TAFA4: variants seen among roughly 807,000 people sequenced by gnomAD.
TAFA4 encodes TAFA chemokine like family member 4, also known as chemokine-like protein TAFA-4.
TAFA4 carries 20 observed loss-of-function variants against 21.1 expected under a neutral mutation model. That is an observed-to-expected ratio of 0.95 (90% confidence interval 0.67 to 1.38). The LOEUF (loss-of-function observed/expected upper bound fraction) is 1.38, where lower values mean the gene tolerates loss of function less well. Ranked by LOEUF, TAFA4 falls within the 40% of genes most tolerant of loss-of-function variation. TAFA4 has a pLI of 0.00. For missense variants in TAFA4, 211 were observed against 180.9 expected (o/e 1.17, Z -0.95); for synonymous variants, 71 against 67.4 (o/e 1.05, Z -0.26).
intron 1 of TAFA4, among the ~76,000 whole-genome samples, chr3:68,897,582 T>C (rs889115621): frequency 1.3e-5 from 2 of 151,812 alleles, no homozygotes; most frequent in Non-Finnish European, 2.9e-5. Flanking sequence ...GCTGAGATCA[T>C]GCCATTGCAC....
At chr3:68,883,940 A>AAGGCAGGC (rs561739941) in intron 2 of TAFA4, among the ~76,000 whole-genome samples, 1 of 151,388 alleles carries the variant, frequency 6.6e-6, no homozygotes, top group Non-Finnish European at 1.5e-5. Flanking sequence ...TCAAAAAAAG[A>AAGGCAGGC]AGGCAGGCAG....
rs76914752 is a variant in TAFA4, at chr3:68,885,281, G to A, written c.-93C>T. The A allele has an allele frequency of 2.6e-3, 3,244 of 1,261,924 alleles. 52 individuals carry two copies. The African/African-American group carries it at 0.039, about 15-fold the overall frequency. The allele number at this position is 1,261,924 out of a possible 1,614,324, so 78.2% of individuals were successfully genotyped here. On this transcript the variant is annotated 5_prime_UTR_variant, in exon 2 of 6. In the 5' UTR this introduces an upstream ATG that the reference lacks. Transcript: ENST00000295569. The stretch of plus-strand genomic sequence containing the variant: ...GTTGCTAGAACCAATCATTTCTGCC[G>A]TTCCAAAAAATTATCGTAGCTCAGA...
intron 5 of TAFA4, among the ~76,000 whole-genome samples, chr3:68,733,452 G>A (rs1054463557): frequency 7.2e-5 from 11 of 152,172 alleles, no homozygotes; most frequent in African/African-American, 2.7e-4. Flanking sequence ...GTTCATGCAT[G>A]CTGAGCATGC....
chr3:68,916,428 C>T (rs1418283650), intron 1 of TAFA4, among the ~76,000 whole-genome samples: 3 of 152,296 alleles, frequency 2.0e-5, no homozygotes, highest in East Asian at 3.9e-4. Context: ...CCCTCCAATT[C>T]CAAATCCGTT....
chr3:68,750,236 G>A (rs1702535684), intron 4 of TAFA4, among the ~76,000 whole-genome samples: 1 of 152,168 alleles, frequency 6.6e-6, no homozygotes, highest in African/African-American at 2.4e-5. Flanking sequence ...GTTCAAGGCA[G>A]CAGTGAGTTA....
chr3:68,892,746 A>G (rs1004155699), intron 1 of TAFA4, among the ~76,000 whole-genome samples: 3 of 152,218 alleles, frequency 2.0e-5, no homozygotes, highest in African/African-American at 7.2e-5. Flanking sequence ...GCACTGATAA[A>G]TTCCTTCCTA....
At chr3:68,809,823 C>A (rs889711828) in intron 3 of TAFA4, among the ~76,000 whole-genome samples, 1 of 152,164 alleles carries the variant, frequency 6.6e-6, no homozygotes, top group Non-Finnish European at 1.5e-5. Flanking sequence ...CCTTTCCCCA[C>A]TGTGTGTTGG....
rs181762430 is a variant in TAFA4 at position 68,851,181 on chromosome 3, T to C, written c.130+29549A>G. On this transcript the variant is annotated intron_variant, in intron 3 of 5. Transcript: ENST00000295569. ...GCAACTATAAAAAGGAATGAGATCA[T>C]GTCCTTTACAGGGACATGGATGGAG... Among the ~76,000 whole-genome samples, 396 of 152,324 alleles carry C rather than the reference T, an allele frequency of 2.6e-3. 3 individuals are homozygous for C. Among genetic ancestry groups the C allele is most frequent in the African/African-American group, 8.6e-3 (359 of 41,572 alleles).
chr3:68,751,194 A>G (rs1702551833), intron 4 of TAFA4, among the ~76,000 whole-genome samples: 1 of 152,244 alleles, frequency 6.6e-6, no homozygotes. Flanking sequence ...AAGAGAACTG[A>G]GACACAGATC....
intron 3 of TAFA4, among the ~76,000 whole-genome samples, chr3:68,785,416 G>C (rs1009678060): frequency 6.6e-6 from 1 of 152,250 alleles, no homozygotes; most frequent in Non-Finnish European, 1.5e-5. Context: ...AGAGGAGCAG[G>C]GGAAGGCTCA....
At chr3:68,889,498 T>A (rs2089709946) in intron 1 of TAFA4, among the ~76,000 whole-genome samples, 1 of 152,214 alleles carries the variant, frequency 6.6e-6, no homozygotes. Flanking sequence ...AACTATTCTT[T>A]CAGAATACAG....
At chr3:68,735,802 AT>A (rs1288837982) in intron 5 of TAFA4, among the ~76,000 whole-genome samples, 1 of 152,174 alleles carries the variant, frequency 6.6e-6, no homozygotes, top group East Asian at 1.9e-4. Context: ...ACTGAAAAAA[AT>A]ATACTATTCT....
intron 4 of TAFA4, 36 bp from the exon 5 acceptor site, chr3:68,739,235 G>A (rs574682267): frequency 6.2e-7 from 1 of 1,611,242 alleles, no homozygotes; most frequent in South Asian, 1.1e-5. Flanking sequence ...TTGTGACACT[G>A]TTTCTTCCTC....
At chr3:68,805,747 T>A (rs952658396) in intron 3 of TAFA4, among the ~76,000 whole-genome samples, 1 of 151,688 alleles carries the variant, frequency 6.6e-6, no homozygotes, top group Admixed American at 6.6e-5. Context: ...TAGGTGGGAA[T>A]TGAACAATGA....
chr3:68,907,077 A>G (rs2089908523), intron 1 of TAFA4, among the ~76,000 whole-genome samples: 1 of 151,536 alleles, frequency 6.6e-6, no homozygotes, highest in East Asian at 1.9e-4. Flanking sequence ...GAAGGGGAGA[A>G]AGAACTCATT....
chr3:68,900,198 C>T (rs1644140578), intron 1 of TAFA4, among the ~76,000 whole-genome samples: 2 of 149,346 alleles, frequency 1.3e-5, no homozygotes, highest in Admixed American at 1.3e-4. Context: ...GCCGAGATTG[C>T]ACCACTGTAC....
intron 3 of TAFA4, among the ~76,000 whole-genome samples, chr3:68,823,059 T>A (rs1704147390): frequency 6.6e-6 from 1 of 152,162 alleles, no homozygotes; most frequent in Admixed American, 6.5e-5. Context: ...AATACCAACC[T>A]TGACTCTTAA....
rs767390441 is a variant in TAFA4 at position 68,733,141 on chromosome 3, G to A, written c.*1C>T. ...AGGATTGAAGCACACCTCTCTCTTCGCTACCGCGTTACCTAAAACAAATCA... is the reference window on the plus strand; with the variant it reads ...AGGATTGAAGCACACCTCTCTCTTCACTACCGCGTTACCTAAAACAAATCA... On this transcript the variant is annotated 3_prime_UTR_variant, in exon 6 of 6. Coordinates refer to ENST00000295569, the MANE Select transcript of TAFA4 (RefSeq NM_182522.5). 19 of 1,612,318 alleles carry A rather than the reference G, an allele frequency of 1.2e-5. No homozygotes were observed. Among genetic ancestry groups the A allele is most frequent in the East Asian group, 8.9e-5 (4 of 44,854 alleles).
intron 3 of TAFA4, among the ~76,000 whole-genome samples, chr3:68,824,327 G>A (rs1011824278): frequency 2.0e-5 from 3 of 152,164 alleles, no homozygotes; most frequent in Non-Finnish European, 4.4e-5. Flanking sequence ...GCCTTCTGGA[G>A]GCCCTAAGGG....
Sources: allele counts gnomAD v4.1 joint callset (sites outside exome capture counted in the v4.1 genomes callset), GRCh38; gene constraint gnomAD v4.1.1; transcripts MANE v1.5; gene names NCBI Gene and HGNC (gene_info 2026-07-23, HGNC 2026-07-21).